Variants in CLASP1 observed in about 807,000 individuals in gnomAD.
The protein encoded by CLASP1 is CLIP-associating protein 1.
A neutral mutation model predicts 192.3 loss-of-function variants in CLASP1; 38 were observed. The observed-to-expected ratio is 0.20, with a 90% CI of 0.15 to 0.26. The LOEUF is 0.26. Among genes scored for constraint, CLASP1 ranks in the 10% least tolerant of loss-of-function variants. CLASP1 has a pLI of 1.00. For missense variants in CLASP1, 1,433 were observed against 1,932.5 expected, an observed-to-expected ratio of 0.74 and a Z score of 4.85; for synonymous variants, 691 against 712.8, an observed-to-expected ratio of 0.97 and a Z score of 0.49.
At chr2:121,598,504 C>CA (rs2063405919) in intron 2 of CLASP1, among the ~76,000 whole-genome samples, 1 of 152,206 alleles carries the variant, frequency 6.6e-6, no homozygotes, top group Non-Finnish European at 1.5e-5. Context: ...TCACAAAGCC[C>CA]AAAATAGGTA....
chr2:121,492,598 T>G (rs1487645337), intron 8 of CLASP1, among the ~76,000 whole-genome samples: 1 of 151,398 alleles, frequency 6.6e-6, no homozygotes, highest in African/African-American at 2.4e-5. Flanking sequence ...AACATATTAG[T>G]CATTAGGGAA....
intron 14 of CLASP1, among the ~76,000 whole-genome samples, chr2:121,453,995 C>T (rs962477631): frequency 6.6e-6 from 1 of 152,216 alleles, no homozygotes; most frequent in South Asian, 2.1e-4. Flanking sequence ...CTGATACCCA[C>T]TGGCTAAATA....
At chr2:121,648,083 CTTT>C (rs1576762174) in intron 1 of CLASP1, among the ~76,000 whole-genome samples, 1 of 152,310 alleles carries the variant, frequency 6.6e-6, no homozygotes, top group East Asian at 1.9e-4. Flanking sequence ...CACTGTGCTA[CTTT>C]TTATCTATAT....
intron 2 of CLASP1, among the ~76,000 whole-genome samples, chr2:121,594,980 C>T (rs72972730): frequency 3.2e-4 from 48 of 152,236 alleles, no homozygotes; most frequent in African/African-American, 1.2e-3. Context: ...TATATATGGT[C>T]ATGATTCTAA....
intron 37 of CLASP1, among the ~76,000 whole-genome samples, chr2:121,359,837 C>A (rs750620472): frequency 6.6e-6 from 1 of 152,114 alleles, no homozygotes; most frequent in Non-Finnish European, 1.5e-5. Context: ...TACTATAGAA[C>A]ATGTATGTTA....
In CLASP1 at chr2:121,503,077, A is replaced by G. The variant is rs566138528; in HGVS notation, c.712+90T>C. ...GTTTTAAGACTTAGAAACTCTTACT[A>G]AATTACCTAATTCAGCTCTTCACAT... On this transcript the variant is annotated intron_variant, in intron 8 of 39. Transcript: ENST00000263710. 130 of 810,528 alleles carry G rather than the reference A, an allele frequency of 1.6e-4. No individual in the cohort carries two copies. The African/African-American group carries it at 2.0e-3, about 13-fold the overall frequency. The allele number at this position is 810,528 out of a possible 1,614,324, so 50.2% of individuals were successfully genotyped here.
rs34714381 is a variant in CLASP1, at chr2:121,375,361, ATTTTTTTTTTTTT to A, written c.3642+2125_3642+2137del. 2.6e-5 allele frequency among the ~76,000 whole-genome samples: 3 copies of A among 116,986 alleles called. No individual in the cohort carries two copies. The East Asian group carries it at 7.5e-4, about 29-fold the overall frequency. The allele number at this position is 116,986 out of a possible 152,430, so 76.7% of individuals were successfully genotyped here. A position where few individuals can be genotyped will look rare whatever the true frequency, so the allele number is the denominator to read the frequency against. On this transcript the variant is annotated intron_variant, in intron 34 of 39. Coordinates refer to ENST00000263710, the Ensembl canonical transcript of CLASP1. ...TTTCTTATAAATTACCTAGTTTCTGATTTTTTTTTTTTTTTTTTTTTGAGACAGAGTCTCACTC... is the reference window on the plus strand; with the variant it reads ...TTTCTTATAAATTACCTAGTTTCTGATTTTTTTTGAGACAGAGTCTCACTC...
chr2:121,641,600 C>A (rs2072092382), intron 1 of CLASP1, among the ~76,000 whole-genome samples: 1 of 152,222 alleles, frequency 6.6e-6, no homozygotes, highest in African/African-American at 2.4e-5. Flanking sequence ...AGACCACCTG[C>A]ATGTAATACC....
At chr2:121,563,282 A>G (rs1433221745) in intron 2 of CLASP1, among the ~76,000 whole-genome samples, 3 of 152,202 alleles carry the variant, frequency 2.0e-5, no homozygotes, top group Non-Finnish European at 4.4e-5. Flanking sequence ...TCAAGAAACG[A>G]CCGCCTGATG....
At chr2:121,536,754 A>G (rs1170503562) in intron 2 of CLASP1, among the ~76,000 whole-genome samples, 1 of 152,234 alleles carries the variant, frequency 6.6e-6, no homozygotes, top group Non-Finnish European at 1.5e-5. Flanking sequence ...ACTGATACAG[A>G]AAGTGGACTG....
At chr2:121,571,898 G>C (rs12616610) in intron 2 of CLASP1, among the ~76,000 whole-genome samples, 37,876 of 151,934 alleles carry the variant, frequency 0.25, 7,497 homozygotes, top group African/African-American at 0.55. Flanking sequence ...AGAACTCAAG[G>C]CTTCGGAGCA....
Position 121,564,321 on chromosome 2 carries a change from G to C in CLASP1, c.196-33996C>G, listed in dbSNP as rs183626713. Reference sequence around the variant, plus strand: ...TGTTTTAGGAATCTATTCTTTCTGAGACCCTGTCACTTAACCTCTCTGGCC... The same window carrying C: ...TGTTTTAGGAATCTATTCTTTCTGACACCCTGTCACTTAACCTCTCTGGCC... On this transcript the variant is annotated intron_variant, in intron 2 of 39. Transcript: ENST00000263710. Among the ~76,000 whole-genome samples the C allele has an allele frequency of 6.6e-5, 10 of 152,230 alleles. No individual in the cohort carries two copies. In the East Asian group the frequency reaches 1.9e-3, roughly 29 times the overall value.
chr2:121,510,675 G>A (rs922158967), intron 7 of CLASP1, among the ~76,000 whole-genome samples: 12 of 151,968 alleles, frequency 7.9e-5, no homozygotes, highest in Non-Finnish European at 1.8e-4. Flanking sequence ...GCATGCGCCT[G>A]TAGTCCCAGC....
chr2:121,562,578 G>GCT lies in CLASP1; in HGVS notation c.196-32255_196-32254dup, dbSNP rs1456876669. 2.0e-5 allele frequency among the ~76,000 whole-genome samples: 3 copies of GCT among 152,296 alleles called. No individual in the cohort carries two copies. In the East Asian group the frequency reaches 5.8e-4, roughly 29 times the overall value. On this transcript the variant is annotated intron_variant, in intron 2 of 39. Transcript: ENST00000263710. ...AATCAACTGAGTAGAATACTGAACA[G>GCT]CTCTTCTGAACATTTTCAGACAAAT...
intron 2 of CLASP1, among the ~76,000 whole-genome samples, chr2:121,575,207 G>C (rs1249164075): frequency 6.6e-6 from 1 of 151,886 alleles, no homozygotes; most frequent in Non-Finnish European, 1.5e-5. Context: ...CGCCTCCCAG[G>C]TTCAAGCAAT....
At chr2:121,389,375 C>T (rs2073932918) in intron 30 of CLASP1, among the ~76,000 whole-genome samples, 2 of 151,912 alleles carry the variant, frequency 1.3e-5, no homozygotes, top group African/African-American at 4.8e-5. Context: ...ATCTATTTCA[C>T]CAATTTAATG....
intron 7 of CLASP1, among the ~76,000 whole-genome samples, chr2:121,514,113 C>T (rs1345624505): frequency 6.6e-6 from 1 of 152,226 alleles, no homozygotes; most frequent in Admixed American, 6.5e-5. Context: ...CTGCACTCAC[C>T]TCTCTAGATC....
At chr2:121,527,312 T>G (rs548700762) in intron 5 of CLASP1, among the ~76,000 whole-genome samples, 1 of 152,326 alleles carries the variant, frequency 6.6e-6, no homozygotes, top group South Asian at 2.1e-4. Flanking sequence ...AGCAATAAAA[T>G]GAACTATCAA....
chr2:121,630,589 C>T (rs967152676), intron 1 of CLASP1, among the ~76,000 whole-genome samples: 3 of 152,138 alleles, frequency 2.0e-5, no homozygotes, highest in Non-Finnish European at 2.9e-5. Context: ...AGAGGCCGGG[C>T]ATGGTGGCTC....
Sources: gnomAD v4.1 joint callset for allele counts (sites outside exome capture counted in the v4.1 genomes callset) on GRCh38, gnomAD v4.1.1 for gene constraint, MANE v1.5 for transcripts, NCBI Gene and HGNC (gene_info 2026-07-23, HGNC 2026-07-21) for gene names.